TYK2: variants seen among roughly 807,000 people sequenced by gnomAD.
TYK2 encodes tyrosine kinase 2.
TYK2 carries 65 observed loss-of-function variants against 130.9 expected under a neutral mutation model. The observed-to-expected ratio is 0.50, with a 90% confidence interval of 0.41 to 0.61. The LOEUF is 0.61. TYK2 is among the 20% of genes least tolerant of loss of function. The pLI, the probability that TYK2 is intolerant of heterozygous loss-of-function variation, is 0.00. For synonymous variants in TYK2, 647 were observed against 658.9 expected, an observed-to-expected ratio of 0.98 and a Z score of 0.28; for missense variants, 1,378 against 1,610.7, an observed-to-expected ratio of 0.86 and a Z score of 2.47.
At chr19:10,367,207 A>T (rs936572431) in intron 5 of TYK2, among the ~76,000 whole-genome samples, 3 of 152,086 alleles carry the variant, frequency 2.0e-5, no homozygotes, top group Admixed American at 2.0e-4. Flanking sequence ...GCGTCTTACC[A>T]CCTTGAGGAG....
intron 5 of TYK2, among the ~76,000 whole-genome samples, chr19:10,366,942 G>A (rs1443241265): frequency 1.3e-5 from 2 of 151,848 alleles, no homozygotes; most frequent in Non-Finnish European, 2.9e-5. Context: ...TACTCCGGAG[G>A]CTGAGGCAGG....
chr19:10,356,643 A>C lies in TYK2; in HGVS notation c.2542T>G (p.Cys848Gly). ...CTCTGGGTTGGCTCATAGGTCAGAC[A>C]CTGGCTGGTGAGTGTGGCCAGCTGT... ...CPQLATLTSQ[C>G]LTYEPTQRPS... is the part of the protein sequence containing the mutation. The change falls in exon 18 of 25, where the codon TGT becomes GGT. Residue 848 changes from cysteine to glycine, a missense_variant. Physicochemically the swap from Cys to Gly is radical, Grantham distance 159. Transcript: ENST00000525621. 2 of 1,613,522 alleles carry C rather than the reference A, an allele frequency of 1.2e-6. No homozygotes were observed. Among genetic ancestry groups the C allele is most frequent in the Non-Finnish European group, 1.7e-6 (2 of 1,179,840 alleles).
chr19:10,357,792 G>A lies in TYK2; in HGVS notation c.2438C>T (p.Ala813Val). 6.2e-7 allele frequency: 1 copy of A among 1,612,976 alleles called. No homozygotes were observed. Residue 813 changes from alanine (A) to valine (V), a missense_variant, in exon 17 of 25, where the codon GCC becomes GTC. Ala to Val is a moderately conservative substitution (Grantham distance 64). Coordinates refer to ENST00000525621, the MANE Select transcript of TYK2 (RefSeq NM_003331.5). ...TLLEICFDGE[A>V]PLQSRSPSEK... Reference sequence around the variant, plus strand: ...GGAGGGACTGCGGCTCTGCAGAGGGGCCTCTCCGTCAAAGCAGATCTCCAG... The same window carrying A: ...GGAGGGACTGCGGCTCTGCAGAGGGACCTCTCCGTCAAAGCAGATCTCCAG...
rs777758037 is a variant in TYK2, at chr19:10,368,291, C to A, written c.317+4G>T. 3 of 1,614,152 alleles carry A rather than the reference C, an allele frequency of 1.9e-6. No individual in the cohort carries two copies. The Admixed American group carries it at 5.0e-5, about 27-fold the overall frequency. ...GGACGAGCTTTGCAAAGGTCTCCAC[C>A]CACCTTATGCGGAAATATAGCATCA... On this transcript the variant is annotated splice_donor_region_variant and intron_variant, in intron 4 of 24. Coordinates refer to ENST00000525621, the MANE Select transcript of TYK2 (RefSeq NM_003331.5).
intron 15 of TYK2, 87 bp from the exon 16 acceptor site, chr19:10,358,225 T>C: frequency 1.5e-6 from 2 of 1,349,142 alleles, no homozygotes; most frequent in Non-Finnish European, 2.0e-6. Context: ...ACAGCCAATG[T>C]GAAAAGGACA....
In TYK2 at chr19:10,351,105, CAGTG is replaced by C; in HGVS notation, c.3372_3375del (p.Thr1125SerfsTer23). On this transcript the variant is annotated frameshift_variant, in exon 24 of 25. Coordinates refer to ENST00000525621, the MANE Select transcript of TYK2 (RefSeq NM_003331.5). LOFTEE classifies it high-confidence loss of function. ...AGCCTCTCCCCTCGTTCCAGCAACTCAGTGAGTCTCAGAACTGTCATCTGACCCT... is the reference window on the plus strand; with the variant it reads ...AGCCTCTCCCCTCGTTCCAGCAACTCAGTCTCAGAACTGTCATCTGACCCT... 6.2e-7 allele frequency: 1 copy of C among 1,614,170 alleles called. No individual in the cohort carries two copies. The highest frequency in any genetic ancestry group is 8.5e-7 in the Non-Finnish European group (1 of 1,180,038).
In TYK2 at chr19:10,361,792, G is replaced by A. The variant is rs574835456; in HGVS notation, c.1937C>T (p.Pro646Leu). 1.4e-5 allele frequency: 22 copies of A among 1,613,630 alleles called. No homozygotes were observed. The South Asian group carries it at 2.3e-4, about 17-fold the overall frequency. ...ELRVVLKVLD[P>L]SHHDIALAFY... is the part of the protein sequence containing the mutation. ...CACCAGGGCGATGTCATGGTGACTA[G>A]GGTCCAGCACTTTGAGCACCACTCG... The change falls in exon 13 of 25, where the codon CCT (proline) becomes CTT (leucine). Residue 646 changes from proline (P) to leucine (L), a missense_variant. By Grantham distance (98) the Pro-to-Leu change is moderately conservative (BLOSUM62 -3). Coordinates refer to ENST00000525621, the MANE Select transcript of TYK2 (RefSeq NM_003331.5). The surrounding 1 kb of genome is among the most constrained non-coding windows in gnomAD (Gnocchi z 4.0).
chr19:10,353,021 C>A lies in TYK2; in HGVS notation c.3105G>T (p.Arg1035Ser), dbSNP rs746684874. The A allele has an allele frequency of 1.9e-6, 3 of 1,602,130 alleles. No homozygotes were observed. Among genetic ancestry groups the A allele is most frequent in the Admixed American group, 3.4e-5 (2 of 59,484 alleles). ...GGCCAAAGTCCCCGATCTTGACCAG[C>A]CTGTCGTTGTCCAGCAGCACGTTGC... ...AARNVLLDND[R>S]LVKIGDFGLA... is the part of the protein sequence containing the mutation. Residue 1035 changes from arginine (R) to serine (S), a missense_variant, in exon 22 of 25, where the codon AGG becomes AGT. By Grantham distance (110) the Arg-to-Ser change is moderately radical. Transcript: ENST00000525621. This position sits in a 1 kb window ranked among gnomAD's most constrained non-coding sequence, Gnocchi z 6.9.
intron 15 of TYK2, 49 bp downstream of exon 15, chr19:10,359,126 G>C: frequency 1.3e-6 from 2 of 1,594,522 alleles, no homozygotes; most frequent in East Asian, 4.5e-5. Flanking sequence ...GAACTCCTGG[G>C]CTCCTGGCCC....
chr19:10,365,276 C>A (rs758983951), intron 7 of TYK2, among the ~76,000 whole-genome samples: 3 of 152,152 alleles, frequency 2.0e-5, no homozygotes, highest in Non-Finnish European at 4.4e-5. Context: ...CCCCTCACAC[C>A]CAGGTGCCAG....
chr19:10,375,579 T>G (rs1449363767), intron 3 of TYK2, among the ~76,000 whole-genome samples: 1 of 150,386 alleles, frequency 6.6e-6, no homozygotes, highest in East Asian at 2.0e-4. Context: ...GTCACACCAC[T>G]GCACTCCAGC....
chr19:10,379,911 C>T (rs1359242651), intron 1 of TYK2, 132 bp from the exon 2 acceptor site: 3 of 152,336 alleles, frequency 2.0e-5, no homozygotes, highest in Non-Finnish European at 2.9e-5. Context: ...CATGAGTGAC[C>T]TCAGTCCCTG....
At chr19:10,378,129 G>A in intron 3 of TYK2, 85 bp downstream of exon 3, 1 of 1,397,080 alleles carries the variant, frequency 7.2e-7, no homozygotes, top group Non-Finnish European at 9.9e-7. Context: ...TGGATGGGTG[G>A]GTGGGTGGAT....
At position 10,350,724 on chromosome 19, in the gene TYK2, TG is replaced by T; in HGVS notation, c.*109del. 1 of 1,334,388 alleles carries T rather than the reference TG, an allele frequency of 7.5e-7. No individual in the cohort carries two copies. The allele number at this position is 1,334,388 out of a possible 1,614,324, so 82.7% of individuals were successfully genotyped here. On this transcript the variant is annotated 3_prime_UTR_variant, in exon 25 of 25. Coordinates refer to ENST00000525621, the MANE Select transcript of TYK2 (RefSeq NM_003331.5). ...CTAGACAGGAGTAAGGCACACGGTG[TG>T]GGTGAGGCTGACATCCCCCTCTTGG...
At chr19:10,358,326 G>A (rs1358919073) in intron 15 of TYK2, among the ~76,000 whole-genome samples, 188 bp from the exon 16 acceptor site, 7 of 139,224 alleles carry the variant, frequency 5.0e-5, no homozygotes, top group Non-Finnish European at 3.0e-5. Flanking sequence ...TTTAAGACAG[G>A]GTCTCACTCT....
intron 9 of TYK2, among the ~76,000 whole-genome samples, chr19:10,363,687 T>C (rs1046844473): frequency 6.6e-6 from 1 of 152,070 alleles, no homozygotes; most frequent in African/African-American, 2.4e-5. Flanking sequence ...CAGGGCAACA[T>C]AGGGGCCAGG....
At chr19:10,362,929 T>C (rs1463756917) in intron 9 of TYK2, among the ~76,000 whole-genome samples, 1 of 152,128 alleles carries the variant, frequency 6.6e-6, no homozygotes, top group Non-Finnish European at 1.5e-5. Flanking sequence ...TGCAATGGCG[T>C]GATCTCAGCT....
chr19:10,359,807 A>T (rs539238436), intron 14 of TYK2, among the ~76,000 whole-genome samples: 1 of 152,052 alleles, frequency 6.6e-6, no homozygotes, highest in East Asian at 1.9e-4. Context: ...GTGAAACCCC[A>T]ACTCTACTAA....
At position 10,364,598 on chromosome 19, in the gene TYK2, C is replaced by CTGGGGG. The variant is rs768134339; in HGVS notation, c.1367+15_1367+16insCCCCCA. 6.2e-7 allele frequency: 1 copy of CTGGGGG among 1,613,552 alleles called. No homozygotes were observed. Among genetic ancestry groups the CTGGGGG allele is most frequent in the South Asian group, 1.1e-5 (1 of 91,066 alleles). Reference sequence around the variant, plus strand: ...CCCTTGGCGGTGGCCCCCAGCGCCCCCCACCCAGCACTCACAGCAGGGGTC... The same window carrying CTGGGGG: ...CCCTTGGCGGTGGCCCCCAGCGCCCCTGGGGGCCACCCAGCACTCACAGCAGGGGTC... On this transcript the variant is annotated intron_variant, in intron 9 of 24. Transcript: ENST00000525621. The surrounding 1 kb of genome is among the most constrained non-coding windows in gnomAD (Gnocchi z 4.9).
Sources: gnomAD v4.1 joint callset for allele counts (sites outside exome capture counted in the v4.1 genomes callset) on GRCh38, gnomAD v4.1.1 for gene constraint, Gnocchi (gnomAD v3.1) non-coding constraint, MANE v1.5 for transcripts, NCBI Gene and HGNC (gene_info 2026-07-23, HGNC 2026-07-21) for gene names.